The following LMO7 variants were observed in gnomAD, a reference collection of about 807,000 sequenced individuals.
The protein encoded by LMO7 is LIM domain 7, also known as LIM domain only protein 7.
In LMO7, 120 loss-of-function variants were observed where a neutral mutation model predicts 206.5. That is an observed-to-expected ratio of 0.58 (90% CI 0.50 to 0.68). The LOEUF is 0.68. Ranked by LOEUF, LMO7 falls within the 30% of genes least tolerant of loss-of-function variation. The pLI is 0.00. For missense variants in LMO7, 1,959 were observed against 1,957.9 expected (o/e 1.00, Z -0.01); for synonymous variants, 706 against 681.5 (o/e 1.04, Z -0.56).
intron 3 of LMO7, among the ~76,000 whole-genome samples, chr13:75,727,532 T>C (rs1311900087): frequency 6.6e-6 from 1 of 152,080 alleles, no homozygotes; most frequent in Non-Finnish European, 1.5e-5. Context: ...TCAGAAAAAT[T>C]TAATTTACAA....
intron 3 of LMO7, among the ~76,000 whole-genome samples, chr13:75,731,449 A>T (rs1309567173): frequency 6.6e-6 from 1 of 152,064 alleles, no homozygotes; most frequent in Non-Finnish European, 1.5e-5. Context: ...CTGAGATTTC[A>T]ACCCCTGCCT....
intron 1 of LMO7, among the ~76,000 whole-genome samples, chr13:75,653,611 A>G (rs934210657): frequency 6.6e-6 from 1 of 152,218 alleles, no homozygotes; most frequent in Non-Finnish European, 1.5e-5. Context: ...GAGATCTGAG[A>G]CAGTGACTTG....
chr13:75,738,060 G>A (rs2046094510), intron 3 of LMO7, among the ~76,000 whole-genome samples: 1 of 151,874 alleles, frequency 6.6e-6, no homozygotes, highest in Admixed American at 6.6e-5. Flanking sequence ...GGCCAAATGA[G>A]CTGTGGTCAG....
At chr13:75,776,506 G>C (rs1056044876) in intron 4 of LMO7, among the ~76,000 whole-genome samples, 1 of 151,946 alleles carries the variant, frequency 6.6e-6, no homozygotes, top group African/African-American at 2.4e-5. Context: ...TCTTGGAATA[G>C]CTTTTATGAA....
intron 1 of LMO7, among the ~76,000 whole-genome samples, chr13:75,698,889 A>G (rs1378627719): frequency 1.3e-5 from 2 of 152,214 alleles, no homozygotes; most frequent in East Asian, 3.9e-4. Flanking sequence ...ATATATTCAC[A>G]GAATTGCCGA....
Position 75,819,381 on chromosome 13 carries a change from T to A in LMO7, c.2065-12T>A. ...TTCAGGTGTGCCCCTGCTGATGTGA[T>A]TTTTCTGTCAGGACCTTGCAAAATG... On this transcript the variant is annotated splice_polypyrimidine_tract_variant and intron_variant, in intron 12 of 30. Coordinates refer to ENST00000377534, the MANE Select transcript of LMO7 (RefSeq NM_001306080.2). 6.3e-7 allele frequency: 1 copy of A among 1,586,930 alleles called. No homozygotes were observed. The highest frequency in any genetic ancestry group is 1.2e-5 in the South Asian group (1 of 85,506).
chr13:75,659,360 C>G (rs9318365), intron 1 of LMO7, among the ~76,000 whole-genome samples: 22,370 of 152,172 alleles, frequency 0.15, 2,222 homozygotes, highest in Middle Eastern at 0.25. Context: ...TCATATTAAG[C>G]TACTCTTGTG....
intron 1 of LMO7, among the ~76,000 whole-genome samples, chr13:75,706,958 GATA>G (rs2042703581): frequency 6.6e-6 from 1 of 151,940 alleles, no homozygotes; most frequent in South Asian, 2.1e-4. Flanking sequence ...GTGAAATGGA[GATA>G]ATAATAAGGA....
At position 75,840,512 on chromosome 13, in the gene LMO7, T is replaced by C. The variant is rs754587809; in HGVS notation, c.3582+17T>C. The C allele has an allele frequency of 1.2e-6, 2 of 1,612,424 alleles. No homozygotes were observed. The highest frequency in any genetic ancestry group is 4.5e-5 in the East Asian group (2 of 44,820). ...CTACTGCAGGTAGCTCTGGCTCACGTGGACGGGTAGAAACTAGGTTGGATT... is the reference window on the plus strand; with the variant it reads ...CTACTGCAGGTAGCTCTGGCTCACGCGGACGGGTAGAAACTAGGTTGGATT... On this transcript the variant is annotated intron_variant, in intron 22 of 30. Coordinates refer to ENST00000377534, the MANE Select transcript of LMO7 (RefSeq NM_001306080.2).
At chr13:75,854,192 C>T (rs368231361) in intron 28 of LMO7, among the ~76,000 whole-genome samples, 2 of 152,066 alleles carry the variant, frequency 1.3e-5, no homozygotes, top group East Asian at 3.9e-4. Flanking sequence ...GGCATGTACT[C>T]CTTTCCATCA....
At chr13:75,832,977 C>T (rs2138910951) in intron 15 of LMO7, 74 bp from the exon 16 acceptor site, 1 of 791,974 alleles carries the variant, frequency 1.3e-6, no homozygotes, top group South Asian at 1.4e-5. Context: ...CAGTCTCCCT[C>T]CTTTCATGGA....
chr13:75,808,650 C>T (rs986895136), intron 10 of LMO7, among the ~76,000 whole-genome samples: 1 of 151,986 alleles, frequency 6.6e-6, no homozygotes, highest in African/African-American at 2.4e-5. Context: ...TGGTTTTGGC[C>T]TAGGTTTCTT....
intron 25 of LMO7, among the ~76,000 whole-genome samples, chr13:75,845,085 A>C (rs982173611): frequency 1.3e-5 from 2 of 152,148 alleles, no homozygotes; most frequent in Admixed American, 6.5e-5. Context: ...CAAACTGGAG[A>C]AGTACTGTCA....
rs1370197522 is a variant in LMO7, at chr13:75,717,322, C to T, written c.140+4070C>T. Among the ~76,000 whole-genome samples, 4 of 147,852 alleles carry T rather than the reference C, an allele frequency of 2.7e-5. No individual in the cohort carries two copies. In the East Asian group the frequency reaches 8.0e-4, roughly 30 times the overall value. ...AGCTTGCAGTGAGTGGAGATGGTAC[C>T]ACTGCACTCCAGCCTGGGCAACAGA... On this transcript the variant is annotated intron_variant, in intron 2 of 30. Transcript: ENST00000377534.
rs2061144223 is a variant in LMO7 at position 75,858,867 on chromosome 13, A to G, written c.*924A>G. 2.0e-5 allele frequency: 3 copies of G among 152,220 alleles called. No homozygotes were observed. The highest frequency in any genetic ancestry group is 6.5e-5 in the Admixed American group (1 of 15,282). The allele number at this position is 152,220 out of a possible 1,614,324, so 9.4% of individuals were successfully genotyped here. A position where few individuals can be genotyped will look rare whatever the true frequency, so the allele number is the denominator to read the frequency against. On this transcript the variant is annotated 3_prime_UTR_variant, in exon 31 of 31. Transcript: ENST00000377534. ...TGACATGGTGTATACCTTCGAAACT[A>G]TGCCACAGTCTGGATGTGTTTACTG...
intron 1 of LMO7, among the ~76,000 whole-genome samples, chr13:75,705,380 G>C (rs1265130461): frequency 6.6e-6 from 1 of 152,136 alleles, no homozygotes; most frequent in Non-Finnish European, 1.5e-5. Flanking sequence ...TTAAACCTGA[G>C]GTATTCTCTC....
intron 1 of LMO7, among the ~76,000 whole-genome samples, chr13:75,660,538 C>A (rs983226634): frequency 2.0e-4 from 31 of 152,170 alleles, no homozygotes; most frequent in African/African-American, 7.0e-4. Context: ...TCTTGATTGG[C>A]TGGCTGATGG....
In LMO7 at chr13:75,696,280, G is replaced by A. The variant is rs1208503357; in HGVS notation, c.70-16902G>A. Among the ~76,000 whole-genome samples, 5 of 152,104 alleles carry A rather than the reference G, an allele frequency of 3.3e-5. No homozygotes were observed. In the East Asian group the frequency reaches 9.6e-4, roughly 29 times the overall value. On this transcript the variant is annotated intron_variant, in intron 1 of 30. Coordinates refer to ENST00000377534, the MANE Select transcript of LMO7 (RefSeq NM_001306080.2). ...TGAGGCAGGAGAATGGCTTGAACCT[G>A]GGAGGCGCAGGTTGCAGTGATCCGA...
chr13:75,678,626 C>T (rs1055440326), intron 1 of LMO7, among the ~76,000 whole-genome samples: 5 of 152,178 alleles, frequency 3.3e-5, no homozygotes, highest in Admixed American at 1.3e-4. Context: ...CTCCCTCACA[C>T]CTCTTCGGTG....
Sources: allele counts gnomAD v4.1 joint callset (sites outside exome capture counted in the v4.1 genomes callset), GRCh38; gene constraint gnomAD v4.1.1; transcripts MANE v1.5; gene names NCBI Gene and HGNC (gene_info 2026-07-23, HGNC 2026-07-21).